SMARCE1: variants seen among roughly 807,000 people sequenced by gnomAD.
SMARCE1 encodes the protein SWI/SNF-related matrix-associated actin-dependent regulator of chromatin subfamily E member 1.
A neutral mutation model predicts 54.9 loss-of-function variants in SMARCE1; 13 were observed. That is an observed-to-expected ratio of 0.24 (90% confidence interval 0.15 to 0.38). The LOEUF is 0.38. Ranked by LOEUF, SMARCE1 falls within the 10% of genes least tolerant of loss-of-function variation. The pLI is 1.00. For missense variants in SMARCE1, 295 were observed against 523.8 expected (o/e 0.56, Z 4.26); for synonymous variants, 151 against 175.3 (o/e 0.86, Z 1.10).
Position 40,630,820 on chromosome 17 carries a change from G to C in SMARCE1, c.921C>G (p.Ala307=). Residue 307 remains alanine, a synonymous_variant, in exon 10 of 11, where the codon GCC becomes GCG. Transcript: ENST00000348513. ...TCTGACTGCGCTCAGCTTGCTCTGC[G>C]GCCTCCTTCTCCCTTTCCTCCTGCC... ...RKRQEEREKE[A]AEQAERSQSS... is the part of the protein sequence containing the mutation. The C allele has an allele frequency of 6.2e-7, 1 of 1,613,906 alleles. No homozygotes were observed. Among genetic ancestry groups the C allele is most frequent in the Non-Finnish European group, 8.5e-7 (1 of 1,179,980 alleles).
At chr17:40,640,617 A>G (rs2037189933) in intron 4 of SMARCE1, 1 of 152,236 alleles carries the variant, frequency 6.6e-6, no homozygotes. Context: ...AGAGCCATTG[A>G]GTCCTAACAG....
chr17:40,628,691 A>C lies in SMARCE1; in HGVS notation c.*94T>G. 1 of 1,049,224 alleles carries C rather than the reference A, an allele frequency of 9.5e-7. No individual in the cohort carries two copies. Among genetic ancestry groups the C allele is most frequent in the African/African-American group, 1.6e-5 (1 of 63,354 alleles). 65.0% of individuals were successfully genotyped at this position (1,049,224 alleles called of 1,614,324 possible). ...TTTGGTGGTGTGATATGGACAAGAA[A>C]AAAAATTAATACACAAACCACGTAA... On this transcript the variant is annotated 3_prime_UTR_variant, in exon 11 of 11. Transcript: ENST00000348513.
chr17:40,642,690 A>C lies in SMARCE1; in HGVS notation c.52-131T>G, dbSNP rs1168337624. 3.3e-6 allele frequency: 2 copies of C among 608,348 alleles called. No individual in the cohort carries two copies. The highest frequency in any genetic ancestry group is 2.9e-6 in the Non-Finnish European group (1 of 344,574). The allele number at this position is 608,348 out of a possible 1,614,324, so 37.7% of individuals were successfully genotyped here. On this transcript the variant is annotated intron_variant, in intron 3 of 10. Coordinates refer to ENST00000348513, the MANE Select transcript of SMARCE1 (RefSeq NM_003079.5). The surrounding 1 kb of genome is among the most constrained non-coding windows in gnomAD (Gnocchi z 4.6). Reference sequence around the variant, plus strand: ...TTTAAACAAGCAATGATGTGTTGTAATTGTTCTTTTTTTCCACTGAGGAAA... The same window carrying C: ...TTTAAACAAGCAATGATGTGTTGTACTTGTTCTTTTTTTCCACTGAGGAAA...
At chr17:40,635,063 C>T (rs938830753) in intron 7 of SMARCE1, 14 of 151,846 alleles carry the variant, frequency 9.2e-5, no homozygotes, top group African/African-American at 3.1e-4. Flanking sequence ...TCAACTTATT[C>T]TTGTCTTCAG....
At position 40,626,358 on chromosome 17, in the gene SMARCE1, G is replaced by C. The variant is rs2037034606; in HGVS notation, c.*2427C>G. ...GCACTAAAAATCAAGGAGCAGTAAGGGCACCAAGAAAGAGCAGTTTGATCT... is the reference window on the plus strand; with the variant it reads ...GCACTAAAAATCAAGGAGCAGTAAGCGCACCAAGAAAGAGCAGTTTGATCT... On this transcript the variant is annotated 3_prime_UTR_variant, in exon 11 of 11. Transcript: ENST00000348513. 6.6e-6 allele frequency: 1 copy of C among 152,054 alleles called. No homozygotes were observed. The highest frequency in any genetic ancestry group is 2.4e-5 in the African/African-American group (1 of 41,388). 9.4% of individuals were successfully genotyped at this position (152,054 alleles called of 1,614,324 possible). A position where few individuals can be genotyped will look rare whatever the true frequency, so the allele number is the denominator to read the frequency against.
rs796241951 is a variant in SMARCE1, at chr17:40,627,837, A to G, written c.*948T>C. On this transcript the variant is annotated 3_prime_UTR_variant, in exon 11 of 11. Transcript: ENST00000348513. The stretch of plus-strand genomic sequence containing the variant: ...ATGTGTCACAAACTATCTTGCTTCT[A>G]GTCTCCAAGACTTTACTAAGTTTAT... 7 of 152,714 alleles carry G rather than the reference A, an allele frequency of 4.6e-5. No homozygotes were observed. Among genetic ancestry groups the G allele is most frequent in the African/African-American group, 1.7e-4 (7 of 41,540 alleles). 9.5% of individuals were successfully genotyped at this position (152,714 alleles called of 1,614,324 possible).
rs1251748589 is a variant in SMARCE1, at chr17:40,626,834, C to T, written c.*1951G>A. ...GGTTGCAGTGAGCTGAGATCGCCAC[C>T]ACTGCACTCCAACCTGGGCGACAGA... On this transcript the variant is annotated 3_prime_UTR_variant, in exon 11 of 11. Transcript: ENST00000348513. 5.9e-5 allele frequency: 4 copies of T among 67,822 alleles called. No individual in the cohort carries two copies. Among genetic ancestry groups the T allele is most frequent in the African/African-American group, 3.2e-4 (4 of 12,344 alleles). The allele number at this position is 67,822 out of a possible 1,614,324, so 4.2% of individuals were successfully genotyped here.
chr17:40,631,646 C>T lies in SMARCE1; in HGVS notation c.762G>A (p.Glu254=), dbSNP rs374977780. 5.0e-6 allele frequency: 8 copies of T among 1,611,444 alleles called. No homozygotes were observed. The highest frequency in any genetic ancestry group is 1.6e-4 in the Middle Eastern group (1 of 6,068). The change falls in exon 9 of 11, where the codon GAG becomes GAA. Residue 254 remains glutamate, a synonymous_variant. Coordinates refer to ENST00000348513, the MANE Select transcript of SMARCE1 (RefSeq NM_003079.5). ...ELLQIEERHQ[E]KKRKFLESTD... ...TGCTTTCCAGGAATTTCCTCTTCTT[C>T]TCCTGGTGTCGTTCCTCTATTTGAA...
intron 10 of SMARCE1, chr17:40,629,852 A>G (rs2037072444): frequency 2.7e-6 from 1 of 367,422 alleles, no homozygotes; most frequent in Non-Finnish European, 4.8e-6. Flanking sequence ...ACAAAACAGA[A>G]AGAGACTCAG....
Position 40,632,213 on chromosome 17 carries a change from C to T in SMARCE1, c.696G>A (p.Gln232=), listed in dbSNP as rs2293417. 4.3e-6 allele frequency: 7 copies of T among 1,612,938 alleles called. No homozygotes were observed. In the East Asian group the frequency reaches 1.3e-4, roughly 31 times the overall value. The part of the protein sequence containing the change: ...ARMQVLKRQV[Q]SLMVHQRKLE... Reference sequence around the variant, plus strand: ...ACTTTACCTGATGAACCATTAAGGACTGGACCTGCCGTTTGAGGACCTGCA... The same window carrying T: ...ACTTTACCTGATGAACCATTAAGGATTGGACCTGCCGTTTGAGGACCTGCA... The change falls in exon 8 of 11, where the codon CAG becomes CAA. Residue 232 remains glutamine, a synonymous_variant. Transcript: ENST00000348513.
intron 3 of SMARCE1, 85 bp downstream of exon 3, chr17:40,645,491 T>C (rs2037247122): frequency 2.7e-6 from 2 of 733,192 alleles, no homozygotes; most frequent in South Asian, 2.0e-5. Flanking sequence ...GCTGTGATGA[T>C]TGAGTGACTG....
chr17:40,640,028 G>C (rs1407261133), intron 4 of SMARCE1: 14 of 152,196 alleles, frequency 9.2e-5, no homozygotes, highest in Non-Finnish European at 2.1e-4. Context: ...ATTTCCAATG[G>C]GGAGGCGGGT....
intron 10 of SMARCE1, chr17:40,629,783 G>C: frequency 2.6e-6 from 1 of 388,592 alleles, no homozygotes; most frequent in Non-Finnish European, 4.5e-6. Flanking sequence ...TTTCAAGCTC[G>C]TTTTAACCAC....
At chr17:40,644,647 G>A (rs1236265107) in intron 3 of SMARCE1, 1 of 152,118 alleles carries the variant, frequency 6.6e-6, no homozygotes, top group Non-Finnish European at 1.5e-5. Context: ...ACAAATTGTT[G>A]ATAAATGTAA....
At position 40,630,726 on chromosome 17, in the gene SMARCE1, G is replaced by T. The variant is rs1025768618; in HGVS notation, c.1015C>A (p.Pro339Thr). 3 of 1,613,938 alleles carry T rather than the reference G, an allele frequency of 1.9e-6. No homozygotes were observed. The highest frequency in any genetic ancestry group is 2.5e-6 in the Non-Finnish European group (3 of 1,179,864). Residue 339 changes from proline (P) to threonine (T), a missense_variant, in exon 10 of 11, where the codon CCG (proline) becomes ACG (threonine). By Grantham distance (38) the Pro-to-Thr change is conservative. Transcript: ENST00000348513. ...GEEKKDDENI[P>T]METEETHLEE... ...GCTAGTGGGTTACCTGTCTCCATCG[G>T]AATGTTCTCGTCGTCTTTCTTCTCC... is the stretch of plus-strand genomic sequence containing the variant.
Position 40,626,090 on chromosome 17 carries a change from G to C in SMARCE1, c.*2695C>G, listed in dbSNP as rs370736718. 5.3e-5 allele frequency: 8 copies of C among 152,230 alleles called. No homozygotes were observed. Among genetic ancestry groups the C allele is most frequent in the African/African-American group, 1.9e-4 (8 of 41,516 alleles). 9.4% of individuals were successfully genotyped at this position (152,230 alleles called of 1,614,324 possible). A position where few individuals can be genotyped will look rare whatever the true frequency, so the allele number is the denominator to read the frequency against. On this transcript the variant is annotated 3_prime_UTR_variant, in exon 11 of 11. Coordinates refer to ENST00000348513, the MANE Select transcript of SMARCE1 (RefSeq NM_003079.5). ...AAAAATACAAAAATTAGCCGGGCGT[G>C]GTGGCGGGCGCCTGTAATCCCAGCT...
chr17:40,625,091 A>C lies in SMARCE1; in HGVS notation c.*3694T>G, dbSNP rs1339630815. ...CTTAGAAAGCTGCCACGAAGAGCTT[A>C]TTCTTGGAGTATAAAATGCAGAATT... On this transcript the variant is annotated 3_prime_UTR_variant, in exon 11 of 11. Coordinates refer to ENST00000348513, the MANE Select transcript of SMARCE1 (RefSeq NM_003079.5). The C allele has an allele frequency of 6.6e-6, 1 of 152,272 alleles. No individual in the cohort carries two copies. The highest frequency in any genetic ancestry group is 2.4e-5 in the African/African-American group (1 of 41,476). 9.4% of individuals were successfully genotyped at this position (152,272 alleles called of 1,614,324 possible).
At chr17:40,641,703 T>C (rs944925629) in intron 4 of SMARCE1, 2 of 152,188 alleles carry the variant, frequency 1.3e-5, no homozygotes, top group African/African-American at 2.4e-5. Context: ...GTGCTTAAAC[T>C]TTTTTGAATG....
At chr17:40,629,098 G>A in intron 10 of SMARCE1, 105 bp from the exon 11 acceptor site, 1 of 894,210 alleles carries the variant, frequency 1.1e-6, no homozygotes. Flanking sequence ...CTAGCCACAT[G>A]TGGTTATTAA....
Sources: gnomAD v4.1 joint callset for allele counts on GRCh38, gnomAD v4.1.1 for gene constraint, Gnocchi (gnomAD v3.1) non-coding constraint, MANE v1.5 for transcripts, NCBI Gene and HGNC (gene_info 2026-07-23, HGNC 2026-07-21) for gene names.